The following SLC24A2 variants were observed in gnomAD, a reference collection of about 807,000 sequenced individuals.
The protein encoded by SLC24A2 is sodium/potassium/calcium exchanger 2.
A neutral mutation model predicts 62.0 loss-of-function variants in SLC24A2; 36 were observed. That is an observed-to-expected ratio of 0.58 (90% CI 0.44 to 0.77). The LOEUF is 0.77. Among genes scored for constraint, SLC24A2 ranks in the 30% least tolerant of loss-of-function variants. The pLI is 0.00. For synonymous variants in SLC24A2, 358 were observed against 294.0 expected, an observed-to-expected ratio of 1.22 and a Z score of -2.23; for missense variants, 846 against 817.9, an observed-to-expected ratio of 1.03 and a Z score of -0.42.
the SLC24A2 span, among the ~76,000 whole-genome samples, chr9:19,798,727 T>C: frequency 6.6e-6 from 1 of 152,154 alleles, no homozygotes; most frequent in Admixed American, 6.5e-5. Flanking sequence ...TATCTGCTCA[T>C]ATGTATGAAG....
At chr9:20,129,203 CATTAGTT>C in the SLC24A2 span, among the ~76,000 whole-genome samples, 1 of 152,062 alleles carries the variant, frequency 6.6e-6, no homozygotes, top group Admixed American at 6.6e-5. Context: ...TGCTCAGTAT[CATTAGTT>C]ATTAGGGAAG....
rs145851881 is a variant in SLC24A2, at chr9:19,555,672, T to C, written c.1348-5404A>G. Among the ~76,000 whole-genome samples, 1,270 of 152,312 alleles carry C rather than the reference T, an allele frequency of 8.3e-3. 15 individuals are homozygous for C. The highest frequency in any genetic ancestry group is 0.028 in the African/African-American group (1,165 of 41,558). On this transcript the variant is annotated intron_variant, in intron 7 of 10. Transcript: ENST00000341998. ...GTTGAAAAGACTTGAGAGTTGGGCT[T>C]GGTGGCTCACACCTGTAATCCCAGC...
At chr9:19,682,717 C>G (rs1406479844) in intron 2 of SLC24A2, among the ~76,000 whole-genome samples, 1 of 152,142 alleles carries the variant, frequency 6.6e-6, no homozygotes, top group Non-Finnish European at 1.5e-5. Flanking sequence ...AATATCATGG[C>G]ATCTTTAATT....
the SLC24A2 span, among the ~76,000 whole-genome samples, chr9:19,953,831 T>C: frequency 6.6e-6 from 1 of 152,076 alleles, no homozygotes; most frequent in African/African-American, 2.4e-5. Flanking sequence ...CTTTTTTTCA[T>C]GGCAACTGCT....
the SLC24A2 span, among the ~76,000 whole-genome samples, chr9:19,795,225 G>A: frequency 6.6e-6 from 1 of 152,064 alleles, no homozygotes; most frequent in Non-Finnish European, 1.5e-5. Context: ...AGTGGGCTGG[G>A]GAGTATCCCT....
At chr9:19,888,206 T>A in the SLC24A2 span, among the ~76,000 whole-genome samples, 1 of 152,188 alleles carries the variant, frequency 6.6e-6, no homozygotes, top group African/African-American at 2.4e-5. Flanking sequence ...ACAACATGCC[T>A]CCATTATGTT....
chr9:20,035,209 C>G, the SLC24A2 span, among the ~76,000 whole-genome samples: 24 of 152,194 alleles, frequency 1.6e-4, no homozygotes, highest in African/African-American at 5.8e-4. Flanking sequence ...TATGAAAACT[C>G]TTGATTTTAC....
At chr9:20,020,228 C>A in the SLC24A2 span, among the ~76,000 whole-genome samples, 3 of 152,104 alleles carry the variant, frequency 2.0e-5, no homozygotes, top group Admixed American at 6.5e-5. Context: ...TGGGTATATA[C>A]CCAAAGGATT....
At chr9:20,266,127 C>T in the SLC24A2 span, among the ~76,000 whole-genome samples, 9,219 of 152,192 alleles carry the variant, frequency 0.061, 533 homozygotes, top group African/African-American at 0.16. Context: ...GCCCTGCCTC[C>T]ATTTGCCTTG....
At chr9:19,568,387 T>A (rs7036141) in intron 7 of SLC24A2, among the ~76,000 whole-genome samples, 112,310 of 152,120 alleles carry the variant, frequency 0.74, 42,929 homozygotes, top group East Asian at 1. Context: ...AATCCAGCCT[T>A]GCCGTTCATA....
the SLC24A2 span, among the ~76,000 whole-genome samples, chr9:20,236,892 G>A: frequency 6.6e-6 from 1 of 151,890 alleles, no homozygotes; most frequent in Non-Finnish European, 1.5e-5. Context: ...CCTAACTATT[G>A]CTGCCTACTT....
chr9:19,575,960 A>C (rs1835997447), intron 6 of SLC24A2, among the ~76,000 whole-genome samples: 2 of 137,560 alleles, frequency 1.5e-5, no homozygotes, highest in Admixed American at 6.9e-5. Flanking sequence ...AAGCATAAAG[A>C]AGCAGAAAAA....
intron 6 of SLC24A2, among the ~76,000 whole-genome samples, chr9:19,574,014 T>A (rs775490152): frequency 6.6e-6 from 1 of 152,220 alleles, no homozygotes; most frequent in Non-Finnish European, 1.5e-5. Context: ...TTTACCCTGC[T>A]TTGATCGGGT....
In SLC24A2 at chr9:19,572,883, T is replaced by C. The variant is rs188219641; in HGVS notation, c.1347+468A>G. Among the ~76,000 whole-genome samples, 251 of 152,344 alleles carry C rather than the reference T, an allele frequency of 1.6e-3. 1 individual carries two copies. The highest frequency in any genetic ancestry group is 3.1e-3 in the Admixed American group (48 of 15,304). ...AAAGCCAAAGGGGGCTCACTGAGTC[T>C]GATGGCTGTGGTTTCTCTATTACTT... On this transcript the variant is annotated intron_variant, in intron 7 of 10. Coordinates refer to ENST00000341998, the MANE Select transcript of SLC24A2 (RefSeq NM_020344.4).
chr9:19,620,463 C>T (rs1238158271), intron 3 of SLC24A2, among the ~76,000 whole-genome samples: 1 of 152,146 alleles, frequency 6.6e-6, no homozygotes, highest in Non-Finnish European at 1.5e-5. Flanking sequence ...AGAACTCTCC[C>T]GACTTTGAGG....
At chr9:19,788,493 G>A in intron 1 of SLC24A2, 1 of 985,214 alleles carries the variant, frequency 1.0e-6, no homozygotes, top group Non-Finnish European at 1.2e-6. Context: ...TTCCCTGGTG[G>A]ATTAATAGGA....
chr9:19,876,784 C>G, the SLC24A2 span, among the ~76,000 whole-genome samples: 1 of 152,032 alleles, frequency 6.6e-6, no homozygotes, highest in Non-Finnish European at 1.5e-5. Context: ...GTCATGTTTC[C>G]TTCCACAAGG....
At chr9:20,116,824 T>C in the SLC24A2 span, among the ~76,000 whole-genome samples, 1 of 152,266 alleles carries the variant, frequency 6.6e-6, no homozygotes, top group East Asian at 1.9e-4. Context: ...CTGCGCTTAA[T>C]GAAAGTTGAA....
At chr9:20,222,492 G>C in the SLC24A2 span, among the ~76,000 whole-genome samples, 3 of 151,954 alleles carry the variant, frequency 2.0e-5, no homozygotes, top group Non-Finnish European at 4.4e-5. Flanking sequence ...TAAAAGACAA[G>C]GCAAATATCC....
Sources: allele counts gnomAD v4.1 joint callset (sites outside exome capture counted in the v4.1 genomes callset), GRCh38; gene constraint gnomAD v4.1.1; transcripts MANE v1.5; gene names NCBI Gene and HGNC (gene_info 2026-07-23, HGNC 2026-07-21).